XKR6: variants seen among roughly 807,000 people sequenced by gnomAD.
XKR6 encodes the protein XK related 6, also known as XK-related protein 6.
A neutral mutation model predicts 56.7 loss-of-function variants in XKR6; 22 were observed. That is an observed-to-expected ratio of 0.39 (90% CI 0.28 to 0.55). The LOEUF (loss-of-function observed/expected upper bound fraction) is 0.55, where lower values mean the gene tolerates loss of function less well. XKR6 is among the 20% of genes least tolerant of loss of function. The pLI, the probability that XKR6 is intolerant of heterozygous loss-of-function variation, is 0.66. For missense variants in XKR6, 852 were observed against 889.0 expected, an observed-to-expected ratio of 0.96 and a Z score of 0.53; for synonymous variants, 524 against 387.8, an observed-to-expected ratio of 1.35 and a Z score of -4.13.
chr8:10,898,389 C>A lies in XKR6; in HGVS notation c.1489G>T (p.Val497Leu), dbSNP rs186488577. 6.2e-7 allele frequency: 1 copy of A among 1,614,016 alleles called. No homozygotes were observed. Among genetic ancestry groups the A allele is most frequent in the Non-Finnish European group, 8.5e-7 (1 of 1,179,996 alleles). ...GCTCGTGGTCCTGTGGGATGCAGCACGCCATAGTATAAGAGCATCATTGCG... is the reference window on the plus strand; with the variant it reads ...GCTCGTGGTCCTGTGGGATGCAGCAAGCCATAGTATAAGAGCATCATTGCG... ...GIAMMLLYYG[V>L]LHPTGPRAKI... The change falls in exon 3 of 3, where the codon GTG (valine) becomes TTG (leucine). Residue 497 changes from valine to leucine, a missense_variant. Transcript: ENST00000416569. This position sits in a 1 kb window ranked among gnomAD's most constrained non-coding sequence, Gnocchi z 6.6.
At chr8:11,035,064 T>G in intron 1 of XKR6, 1 of 409,716 alleles carries the variant, frequency 2.4e-6, no homozygotes, top group South Asian at 1.9e-5. Context: ...TTACTGATTC[T>G]TTCTGAGCTT....
Position 11,201,344 on chromosome 8 carries a change from A to G in XKR6, c.-5T>C. On this transcript the variant is annotated 5_prime_UTR_variant, in exon 1 of 3. Transcript: ENST00000416569. ...GCCATCGGATTTCGCCGCCATCTTG[A>G]CTCTCTTCCCAGCTCCGGAGGTTGG... is the stretch of plus-strand genomic sequence containing the variant. 2 of 1,263,546 alleles carry G rather than the reference A, an allele frequency of 1.6e-6. No homozygotes were observed. Among genetic ancestry groups the G allele is most frequent in the Middle Eastern group, 2.8e-4 (1 of 3,608 alleles). 78.3% of individuals were successfully genotyped at this position (1,263,546 alleles called of 1,614,324 possible).
intron 1 of XKR6, among the ~76,000 whole-genome samples, chr8:11,037,268 C>A (rs1296532851): frequency 6.6e-6 from 1 of 152,174 alleles, no homozygotes; most frequent in East Asian, 1.9e-4. Flanking sequence ...CACTCTCACC[C>A]AGGCTGGAGT....
intron 1 of XKR6, among the ~76,000 whole-genome samples, chr8:11,182,371 C>T (rs746644609): frequency 6.6e-6 from 1 of 152,184 alleles, no homozygotes; most frequent in African/African-American, 2.4e-5. Flanking sequence ...CCTGTCATTA[C>T]AGGCATCACT....
At chr8:11,172,237 G>A (rs1212370488) in intron 1 of XKR6, among the ~76,000 whole-genome samples, 2 of 151,386 alleles carry the variant, frequency 1.3e-5, no homozygotes, top group South Asian at 2.1e-4. Flanking sequence ...TGGCATTATT[G>A]TGCACGCCTG....
At chr8:11,119,912 T>A (rs1157870663) in intron 1 of XKR6, among the ~76,000 whole-genome samples, 3 of 152,154 alleles carry the variant, frequency 2.0e-5, no homozygotes, top group African/African-American at 7.2e-5. Context: ...ATCCAGCATA[T>A]AAACAGAACC....
At chr8:10,962,345 G>A (rs1483560803) in intron 1 of XKR6, among the ~76,000 whole-genome samples, 1 of 152,144 alleles carries the variant, frequency 6.6e-6, no homozygotes, top group Non-Finnish European at 1.5e-5. Context: ...CCCCTGACTC[G>A]TAGTCCCCAT....
At chr8:11,050,377 T>TATA (rs770015840) in intron 1 of XKR6, among the ~76,000 whole-genome samples, 1 of 55,068 alleles carries the variant, frequency 1.8e-5, no homozygotes, top group East Asian at 6.8e-3. Context: ...CTCATCAGTG[T>TATA]AAAATAAGGG....
At chr8:11,170,186 C>T (rs2117043091) in intron 1 of XKR6, among the ~76,000 whole-genome samples, 1 of 152,306 alleles carries the variant, frequency 6.6e-6, no homozygotes, top group African/African-American at 2.4e-5. Flanking sequence ...AGCAGCTCCA[C>T]TCCTAGGTAT....
chr8:11,177,960 T>C (rs975813185), intron 1 of XKR6, among the ~76,000 whole-genome samples: 5 of 152,188 alleles, frequency 3.3e-5, no homozygotes, highest in African/African-American at 1.2e-4. Context: ...ATGGAAAGCC[T>C]GAAGTCTGAG....
chr8:10,956,843 C>A (rs1025566709), intron 1 of XKR6, among the ~76,000 whole-genome samples: 4 of 152,324 alleles, frequency 2.6e-5, no homozygotes, highest in Non-Finnish European at 4.4e-5. Context: ...CAGGTAAGAC[C>A]TCTCTCCTCT....
At chr8:11,006,154 C>A (rs1002609815) in intron 1 of XKR6, among the ~76,000 whole-genome samples, 4 of 151,838 alleles carry the variant, frequency 2.6e-5, no homozygotes, top group Non-Finnish European at 5.9e-5. Context: ...AAAAATTTTT[C>A]AATTAAAGAG....
At chr8:11,128,232 G>C (rs533182232) in intron 1 of XKR6, among the ~76,000 whole-genome samples, 23 of 152,072 alleles carry the variant, frequency 1.5e-4, no homozygotes, top group Non-Finnish European at 2.8e-4. Context: ...CCAGACCTTC[G>C]CACTCCCCTT....
At chr8:10,959,481 G>C (rs1409105065) in intron 1 of XKR6, among the ~76,000 whole-genome samples, 1 of 152,218 alleles carries the variant, frequency 6.6e-6, no homozygotes, top group Non-Finnish European at 1.5e-5. Flanking sequence ...GGAAGTCTGA[G>C]ATGAAGGTGC....
intron 1 of XKR6, among the ~76,000 whole-genome samples, chr8:11,088,569 C>A (rs886343284): frequency 6.6e-6 from 1 of 152,196 alleles, no homozygotes; most frequent in Non-Finnish European, 1.5e-5. Flanking sequence ...GACCTAACAC[C>A]TTTCCTTCCT....
chr8:11,016,602 A>C (rs1009442853), intron 1 of XKR6, among the ~76,000 whole-genome samples: 1 of 152,198 alleles, frequency 6.6e-6, no homozygotes, highest in African/African-American at 2.4e-5. Context: ...GGCTGGCTGC[A>C]GCGCGGGCCC....
At chr8:10,958,135 T>C (rs1002732953) in intron 1 of XKR6, among the ~76,000 whole-genome samples, 2 of 152,192 alleles carry the variant, frequency 1.3e-5, no homozygotes, top group African/African-American at 2.4e-5. Flanking sequence ...ACAGTTCTCA[T>C]TGCTGTTTAC....
intron 1 of XKR6, among the ~76,000 whole-genome samples, chr8:11,192,496 C>T (rs187231770): frequency 3.6e-4 from 55 of 152,008 alleles, no homozygotes; most frequent in African/African-American, 1.2e-3. Flanking sequence ...ACGCCTCAAG[C>T]CCCAGCTACT....
At chr8:11,101,859 A>T (rs1798497580) in intron 1 of XKR6, among the ~76,000 whole-genome samples, 1 of 152,010 alleles carries the variant, frequency 6.6e-6, no homozygotes, top group Admixed American at 6.5e-5. Flanking sequence ...TCACCCTTTA[A>T]GGCCCCATCT....
Sources: gnomAD v4.1 joint callset for allele counts (sites outside exome capture counted in the v4.1 genomes callset) on GRCh38, gnomAD v4.1.1 for gene constraint, Gnocchi (gnomAD v3.1) non-coding constraint, MANE v1.5 for transcripts, NCBI Gene and HGNC (gene_info 2026-07-23, HGNC 2026-07-21) for gene names.